The following SCRG1 variants were observed in gnomAD, a reference collection of about 807,000 sequenced individuals.
SCRG1 encodes scrapie-responsive protein 1.
A neutral mutation model predicts 7.7 loss-of-function variants in SCRG1; 3 were observed. That is an observed-to-expected ratio of 0.39 (90% CI 0.18 to 1.01). The LOEUF is 1.01. Ranked by LOEUF, SCRG1 falls within the 50% of genes least tolerant of loss-of-function variation. The pLI is 0.36. For missense variants in SCRG1, 110 were observed against 117.2 expected, an observed-to-expected ratio of 0.94 and a Z score of 0.28; for synonymous variants, 46 against 41.2, an observed-to-expected ratio of 1.12 and a Z score of -0.44.
the SCRG1 span, among the ~76,000 whole-genome samples, chr4:173,503,135 T>C: frequency 6.6e-6 from 1 of 152,122 alleles, no homozygotes; most frequent in Admixed American, 6.5e-5. The surrounding 1 kb of genome is among the most constrained non-coding windows in gnomAD (Gnocchi z 6.4). Context: ...AGAGCAGGTG[T>C]CCACCTCTCG....
At chr4:173,461,888 T>A in the SCRG1 span, among the ~76,000 whole-genome samples, 5,191 of 150,300 alleles carry the variant, frequency 0.035, 336 homozygotes, top group African/African-American at 0.12. Flanking sequence ...AAAAAAAGAA[T>A]CAAGCAGAAA....
the SCRG1 span, among the ~76,000 whole-genome samples, chr4:173,511,724 T>C: frequency 1.3e-5 from 2 of 152,108 alleles, no homozygotes; most frequent in Non-Finnish European, 2.9e-5. The surrounding 1 kb of genome is among the most constrained non-coding windows in gnomAD (Gnocchi z 5.2). Context: ...AGACAAAACT[T>C]TTCTTCTGTA....
At chr4:173,436,368 G>A in the SCRG1 span, among the ~76,000 whole-genome samples, 9 of 152,058 alleles carry the variant, frequency 5.9e-5, no homozygotes, top group Non-Finnish European at 1.3e-4. Context: ...TCTGAGTTAT[G>A]TGCTGCTCAG....
chr4:173,468,926 C>G, the SCRG1 span: 1 of 151,214 alleles, frequency 6.6e-6, no homozygotes, highest in South Asian at 2.1e-4. Context: ...CTCAGAAAGT[C>G]TTGTTTTATC....
the SCRG1 span, among the ~76,000 whole-genome samples, chr4:173,514,761 C>G: frequency 6.6e-6 from 1 of 152,166 alleles, no homozygotes; most frequent in Non-Finnish European, 1.5e-5. Context: ...CTCTTCAGGT[C>G]ATTCTTTTGT....
At chr4:173,447,961 G>A in the SCRG1 span, among the ~76,000 whole-genome samples, 11 of 152,262 alleles carry the variant, frequency 7.2e-5, no homozygotes, top group African/African-American at 2.4e-4. Context: ...AAAATTAGCT[G>A]GGCATGGTGG....
chr4:173,510,867 C>T, the SCRG1 span, among the ~76,000 whole-genome samples: 1 of 152,232 alleles, frequency 6.6e-6, no homozygotes, highest in Non-Finnish European at 1.5e-5. This position sits in a 1 kb window ranked among gnomAD's most constrained non-coding sequence, Gnocchi z 5.7. Flanking sequence ...CTTTTGGAAA[C>T]ACGATTCCCT....
chr4:173,432,135 T>C, the SCRG1 span, among the ~76,000 whole-genome samples: 3 of 152,144 alleles, frequency 2.0e-5, no homozygotes, highest in Non-Finnish European at 4.4e-5. Flanking sequence ...TCTAGTTGAG[T>C]AGGAAGAATT....
the SCRG1 span, among the ~76,000 whole-genome samples, chr4:173,429,377 C>A: frequency 6.6e-6 from 1 of 152,112 alleles, no homozygotes; most frequent in Non-Finnish European, 1.5e-5. Flanking sequence ...TTCAAACTTT[C>A]AAACTCTTGG....
At chr4:173,483,199 T>TA in the SCRG1 span, among the ~76,000 whole-genome samples, 1 of 73,884 alleles carries the variant, frequency 1.4e-5, no homozygotes, top group Non-Finnish European at 2.1e-5. Context: ...ATGATATATA[T>TA]TATATGATAT....
the SCRG1 span, chr4:173,446,579 C>T: frequency 4.0e-4 from 61 of 152,260 alleles, no homozygotes; most frequent in African/African-American, 1.4e-3. Flanking sequence ...AGTTTCCATA[C>T]CCATAAACAT....
chr4:173,421,147 ACTTTT>A, the SCRG1 span, among the ~76,000 whole-genome samples: 5 of 151,852 alleles, frequency 3.3e-5, no homozygotes, highest in Non-Finnish European at 1.5e-5. Context: ...AGAAGTGAAT[ACTTTT>A]CTTTTGATTG....
At chr4:173,487,306 A>T in the SCRG1 span, among the ~76,000 whole-genome samples, 2 of 152,202 alleles carry the variant, frequency 1.3e-5, no homozygotes, top group Non-Finnish European at 2.9e-5. Flanking sequence ...TTACACTTCA[A>T]CACAAGCAAT....
chr4:173,450,887 CA>C, the SCRG1 span, among the ~76,000 whole-genome samples: 1 of 152,092 alleles, frequency 6.6e-6, no homozygotes. Context: ...AGGCCTGACC[CA>C]GGGCATCCAC....
chr4:173,457,067 C>A, the SCRG1 span, among the ~76,000 whole-genome samples: 2 of 152,222 alleles, frequency 1.3e-5, no homozygotes, highest in Admixed American at 6.5e-5. Context: ...GAATTAGGAG[C>A]AAATGTATTT....
the SCRG1 span, among the ~76,000 whole-genome samples, chr4:173,434,779 C>A: frequency 0.018 from 2,799 of 152,198 alleles, 72 homozygotes; most frequent in African/African-American, 0.058. Context: ...TGCAGTGAGC[C>A]AAGATCGTGC....
At chr4:173,482,336 C>A in the SCRG1 span, among the ~76,000 whole-genome samples, 5 of 152,084 alleles carry the variant, frequency 3.3e-5, no homozygotes, top group Non-Finnish European at 7.4e-5. Context: ...TTGGAAGGAT[C>A]CACAAATTCC....
At chr4:173,498,395 T>A in the SCRG1 span, among the ~76,000 whole-genome samples, 1 of 152,204 alleles carries the variant, frequency 6.6e-6, no homozygotes, top group African/African-American at 2.4e-5. Context: ...GGAGGTAGCC[T>A]AAAGACTTGA....
At chr4:173,484,422 T>C in the SCRG1 span, among the ~76,000 whole-genome samples, 1 of 53,872 alleles carries the variant, frequency 1.9e-5, no homozygotes, top group African/African-American at 8.3e-5. Flanking sequence ...ATAATATATA[T>C]TATATATTAT....
Sources: gnomAD v4.1 joint callset for allele counts (sites outside exome capture counted in the v4.1 genomes callset) on GRCh38, gnomAD v4.1.1 for gene constraint, Gnocchi (gnomAD v3.1) non-coding constraint, MANE v1.5 for transcripts, NCBI Gene and HGNC (gene_info 2026-07-23, HGNC 2026-07-21) for gene names.